Variants in DGKB observed in about 807,000 individuals in gnomAD.
DGKB encodes 90 kDa diacylglycerol kinase.
DGKB carries 67 observed loss-of-function variants against 114.3 expected under a neutral mutation model. The observed-to-expected ratio is 0.59, with a 90% confidence interval of 0.48 to 0.72. The LOEUF is 0.72. Ranked by LOEUF, DGKB falls within the 30% of genes least tolerant of loss-of-function variation. The pLI is 0.00. For missense variants in DGKB, 907 were observed against 975.2 expected, an observed-to-expected ratio of 0.93 and a Z score of 0.93; for synonymous variants, 398 against 323.1, an observed-to-expected ratio of 1.23 and a Z score of -2.49.
intron 2 of DGKB, among the ~76,000 whole-genome samples, chr7:14,821,977 C>T (rs1290333774): frequency 6.6e-6 from 1 of 151,968 alleles, no homozygotes; most frequent in Admixed American, 6.6e-5. Flanking sequence ...ATCTTGGATG[C>T]ATTAAGGTTG....
At chr7:14,664,188 C>T (rs1474375220) in intron 13 of DGKB, among the ~76,000 whole-genome samples, 1 of 152,022 alleles carries the variant, frequency 6.6e-6, no homozygotes, top group Non-Finnish European at 1.5e-5. Context: ...TTGAGCCACC[C>T]AGATTCATGG....
chr7:14,259,143 C>T lies in DGKB; in HGVS notation c.2122+79372G>A, dbSNP rs147311182. Among the ~76,000 whole-genome samples, 1,449 of 152,254 alleles carry T rather than the reference C, an allele frequency of 9.5e-3. 25 individuals are homozygous for T. Among genetic ancestry groups the T allele is most frequent in the African/African-American group, 0.033 (1,379 of 41,546 alleles). ...GAACAGATTCACAAATGGGCATTGACTGTCTCTGTCCTACTTAATGAGTTT... is the reference window on the plus strand; with the variant it reads ...GAACAGATTCACAAATGGGCATTGATTGTCTCTGTCCTACTTAATGAGTTT... On this transcript the variant is annotated intron_variant, in intron 23 of 25. Coordinates refer to ENST00000402815, the MANE Select transcript of DGKB (RefSeq NM_001350709.2).
chr7:14,517,006 T>C (rs1457633127), intron 20 of DGKB, among the ~76,000 whole-genome samples: 1 of 152,152 alleles, frequency 6.6e-6, no homozygotes, highest in East Asian at 1.9e-4. Flanking sequence ...AAGTTGATCC[T>C]AAGCAAAAGG....
intron 13 of DGKB, among the ~76,000 whole-genome samples, chr7:14,664,254 A>G (rs1817647892): frequency 6.6e-6 from 1 of 151,888 alleles, no homozygotes; most frequent in Non-Finnish European, 1.5e-5. Context: ...ATCACATCAA[A>G]TCCTAATGTT....
At chr7:14,925,252 T>C (rs1784690818) in intron 1 of DGKB, among the ~76,000 whole-genome samples, 1 of 152,206 alleles carries the variant, frequency 6.6e-6, no homozygotes, top group African/African-American at 2.4e-5. Context: ...AAAGTTTTTG[T>C]GTGAACATGT....
chr7:14,189,122 A>C (rs1267450702), intron 23 of DGKB, among the ~76,000 whole-genome samples: 2 of 152,240 alleles, frequency 1.3e-5, no homozygotes, highest in Non-Finnish European at 2.9e-5. Context: ...TAAGTTAATT[A>C]ATCAAATTCC....
intron 25 of DGKB, among the ~76,000 whole-genome samples, chr7:14,169,364 C>CAAAAAA (rs35418998): frequency 7.7e-5 from 5 of 65,270 alleles, no homozygotes; most frequent in South Asian, 6.2e-4. Flanking sequence ...GACTCCGTCT[C>CAAAAAA]AAAAAAAAAA....
At chr7:14,410,693 C>G (rs939921990) in intron 21 of DGKB, among the ~76,000 whole-genome samples, 1 of 151,874 alleles carries the variant, frequency 6.6e-6, no homozygotes, top group Non-Finnish European at 1.5e-5. Flanking sequence ...AGAAATTTGA[C>G]AAAATGAGTA....
intron 13 of DGKB, among the ~76,000 whole-genome samples, chr7:14,652,846 T>C (rs1340164152): frequency 1.8e-4 from 28 of 152,134 alleles, no homozygotes; most frequent in Non-Finnish European, 1.8e-4. Context: ...GGGCAAAGTA[T>C]ATGAACAGAC....
intron 1 of DGKB, among the ~76,000 whole-genome samples, chr7:14,969,549 C>T (rs563537073): frequency 6.6e-6 from 1 of 152,218 alleles, no homozygotes; most frequent in South Asian, 2.1e-4. Context: ...GCCTGAGTTC[C>T]ACCTTCTGTC....
intron 23 of DGKB, among the ~76,000 whole-genome samples, chr7:14,334,359 C>CGTGTGT (rs1810283891): frequency 2.5e-5 from 3 of 118,850 alleles, no homozygotes; most frequent in African/African-American, 1.0e-4. Flanking sequence ...TATGTATATA[C>CGTGTGT]ATATGTGTGT....
intron 23 of DGKB, among the ~76,000 whole-genome samples, chr7:14,279,422 G>A (rs1799552565): frequency 6.6e-6 from 1 of 152,178 alleles, no homozygotes; most frequent in African/African-American, 2.4e-5. Flanking sequence ...CTCCACCTCT[G>A]GGGGCAGGGC....
At chr7:14,761,505 A>G (rs1835691387) in intron 2 of DGKB, among the ~76,000 whole-genome samples, 1 of 152,170 alleles carries the variant, frequency 6.6e-6, no homozygotes, top group African/African-American at 2.4e-5. Context: ...TTATTGTGCC[A>G]ACTCTGAGTT....
intron 15 of DGKB, 187 bp downstream of exon 15, chr7:14,621,191 C>A: frequency 4.2e-6 from 2 of 473,732 alleles, no homozygotes; most frequent in Non-Finnish European, 3.7e-6. Flanking sequence ...TTAATTTAAC[C>A]AGAATGTTAC....
At chr7:14,612,152 C>CTTATTTTATTTTATT (rs1392275749) in intron 16 of DGKB, among the ~76,000 whole-genome samples, 5 of 92,810 alleles carry the variant, frequency 5.4e-5, no homozygotes, top group South Asian at 9.0e-4. Flanking sequence ...AAATCTTATA[C>CTTATTTTATTTTATT]TCATTTTATT....
intron 23 of DGKB, among the ~76,000 whole-genome samples, chr7:14,284,913 A>C (rs970832451): frequency 3.8e-4 from 58 of 151,110 alleles, no homozygotes; most frequent in Non-Finnish European, 7.5e-4. Context: ...CTAATGCTAG[A>C]TGACGAGTTA....
At chr7:14,223,609 T>C (rs1020502389) in intron 23 of DGKB, among the ~76,000 whole-genome samples, 1 of 151,824 alleles carries the variant, frequency 6.6e-6, no homozygotes, top group Non-Finnish European at 1.5e-5. Context: ...TGTATTATAA[T>C]GTGGATTCAA....
At chr7:14,968,063 T>C (rs977922372) in intron 1 of DGKB, among the ~76,000 whole-genome samples, 1 of 152,170 alleles carries the variant, frequency 6.6e-6, no homozygotes, top group African/African-American at 2.4e-5. Context: ...AATACCTTTG[T>C]CCATTTCTCC....
chr7:14,841,160 C>G (rs767860407), intron 2 of DGKB, 34 bp downstream of exon 2: 6 of 1,544,296 alleles, frequency 3.9e-6, no homozygotes, highest in Non-Finnish European at 5.3e-6. Context: ...GCACAAATGT[C>G]AAATAATCTC....
Sources: gnomAD v4.1 joint callset for allele counts (sites outside exome capture counted in the v4.1 genomes callset) on GRCh38, gnomAD v4.1.1 for gene constraint, MANE v1.5 for transcripts, NCBI Gene and HGNC (gene_info 2026-07-23, HGNC 2026-07-21) for gene names.